NAV1: variants seen among roughly 807,000 people sequenced by gnomAD.
NAV1 encodes neuron navigator 1.
In NAV1, 18 loss-of-function variants were observed where a neutral mutation model predicts 175.2. That is an observed-to-expected ratio of 0.10 (90% CI 0.07 to 0.15). NAV1 has a LOEUF of 0.15. Ranked by LOEUF, NAV1 falls within the 10% of genes least tolerant of loss-of-function variation. The pLI, the probability that NAV1 is intolerant of heterozygous loss-of-function variation, is 1.00. For synonymous variants in NAV1, 897 were observed against 978.7 expected (o/e 0.92, Z 1.56); for missense variants, 1,731 against 2,436.6 (o/e 0.71, Z 6.10).
chr1:201,599,510 C>A (rs72739959), intron 2 of NAV1, among the ~76,000 whole-genome samples: 1 of 152,168 alleles, frequency 6.6e-6, no homozygotes, highest in Non-Finnish European at 1.5e-5. Context: ...TTCATGAGGT[C>A]CTGACCCACA....
intron 3 of NAV1, among the ~76,000 whole-genome samples, chr1:201,736,385 A>G (rs1171521551): frequency 1.3e-5 from 2 of 152,192 alleles, no homozygotes; most frequent in African/African-American, 4.8e-5. Context: ...CTGCTTCTCA[A>G]GTCTTTCCCT....
At chr1:201,584,612 T>C (rs760735449) in intron 1 of NAV1, among the ~76,000 whole-genome samples, 2 of 152,218 alleles carry the variant, frequency 1.3e-5, no homozygotes, top group Admixed American at 6.5e-5. Flanking sequence ...GCTTGTGATG[T>C]GCCTGTGTCC....
At chr1:201,789,913 TACCC>T in intron 11 of NAV1, 121 bp downstream of exon 15, 1 of 940,072 alleles carries the variant, frequency 1.1e-6, no homozygotes, top group African/African-American at 1.6e-5. Flanking sequence ...CTCTTCACTG[TACCC>T]ATTGGGGTGG....
chr1:201,754,633 C>T (rs1240048795), intron 3 of NAV1, among the ~76,000 whole-genome samples: 1 of 152,164 alleles, frequency 6.6e-6, no homozygotes, highest in South Asian at 2.1e-4. Context: ...CCTACAAATG[C>T]AGGCGAAAAG....
At chr1:201,820,978 A>C (rs1027296658) in exon 30 of NAV1, 21 of 152,090 alleles carry the variant, frequency 1.4e-4, no homozygotes, top group African/African-American at 4.6e-4. Context: ...TTTGGCATCC[A>C]TGGGGCTTAT....
chr1:201,771,536 C>G (rs1215251928), intron 3 of NAV1, among the ~76,000 whole-genome samples: 1 of 150,914 alleles, frequency 6.6e-6, no homozygotes, highest in Admixed American at 6.6e-5. Flanking sequence ...GTGAACTGAC[C>G]TATAACAGAG....
At chr1:201,707,773 C>G (rs977433911) in intron 1 of NAV1, among the ~76,000 whole-genome samples, 1 of 152,228 alleles carries the variant, frequency 6.6e-6, no homozygotes, top group Non-Finnish European at 1.5e-5. Flanking sequence ...CCTCCCCATA[C>G]AATGGGAGAT....
At chr1:201,620,160 G>A (rs943631474), upstream of NAV1, among the ~76,000 whole-genome samples, 10 of 152,178 alleles carry the variant, frequency 6.6e-5, no homozygotes, top group Non-Finnish European at 1.3e-4. Flanking sequence ...AGAGTCAAAG[G>A]TCAGGGAAAG....
intron 1 of NAV1, among the ~76,000 whole-genome samples, chr1:201,701,639 T>C (rs1201226542): frequency 6.6e-6 from 1 of 152,186 alleles, no homozygotes; most frequent in Non-Finnish European, 1.5e-5. Flanking sequence ...TAAAAGATGC[T>C]CAATATCATT....
At position 201,780,992 on chromosome 1, in the gene NAV1, C is replaced by A; in HGVS notation, c.1366-20C>A. On this transcript the variant is annotated intron_variant, in intron 4 of 29. Transcript: ENST00000367296. The stretch of plus-strand genomic sequence containing the variant: ...ATCTGCATAGAAGTATCTCACTCTG[C>A]CTTTTTCTCTTTTCTTTAGCTACGC... 2 of 1,577,350 alleles carry A rather than the reference C, an allele frequency of 1.3e-6. No homozygotes were observed. Among genetic ancestry groups the A allele is most frequent in the Non-Finnish European group, 1.7e-6 (2 of 1,163,518 alleles).
intron 1 of NAV1, among the ~76,000 whole-genome samples, chr1:201,672,740 T>C (rs1670089817): frequency 6.6e-6 from 1 of 152,206 alleles, no homozygotes; most frequent in Admixed American, 6.5e-5. Context: ...TACATGATGC[T>C]CTAAGAAAGC....
At chr1:201,739,773 C>T in intron 3 of NAV1, 1 of 1,212,344 alleles carries the variant, frequency 8.2e-7, no homozygotes, top group East Asian at 3.3e-5. Flanking sequence ...TCGCAGCCTG[C>T]ATCGCCGGGG....
intron 1 of NAV1, among the ~76,000 whole-genome samples, chr1:201,548,667 G>A (rs544879953): frequency 6.6e-6 from 1 of 152,318 alleles, no homozygotes; most frequent in East Asian, 1.9e-4. Flanking sequence ...CTTCTACTGA[G>A]GGGATTCAAG....
At chr1:201,802,801 GA>G (rs1678021454) in intron 15 of NAV1, among the ~76,000 whole-genome samples, 1 of 151,618 alleles carries the variant, frequency 6.6e-6, no homozygotes, top group African/African-American at 2.4e-5. Flanking sequence ...AAAGAAAAAG[GA>G]AAAAAGACAT....
At position 201,782,238 on chromosome 1, in the gene NAV1, C is replaced by T. The variant is rs1355299313; in HGVS notation, c.1726C>T (p.Arg576Cys). The change falls in exon 6 of 30, where the codon CGC (arginine) becomes TGC (cysteine). Residue 576 changes from arginine (R) to cysteine (C), a missense_variant. By Grantham distance (180) the Arg-to-Cys change is radical. This residue lies in a region of NAV1 where 634 missense variants were observed against 766.8 expected (regional missense o/e 0.83). Transcript: ENST00000367296. This position sits in a 1 kb window ranked among gnomAD's most constrained non-coding sequence, Gnocchi z 5.4. Reference sequence around the variant, plus strand: ...TGCAGTGAAGAATACTGGGCTCCAACGCTCCTCCTCTGATGCTGGTCGGGA... The same window carrying T: ...TGCAGTGAAGAATACTGGGCTCCAATGCTCCTCCTCTGATGCTGGTCGGGA... The T allele has an allele frequency of 3.7e-6, 6 of 1,613,676 alleles. No individual in the cohort carries two copies. Among genetic ancestry groups the T allele is most frequent in the South Asian group, 2.2e-5 (2 of 91,040 alleles).
At chr1:201,767,411 A>G (rs184383160) in intron 3 of NAV1, among the ~76,000 whole-genome samples, 155 of 152,078 alleles carry the variant, frequency 1.0e-3, no homozygotes, top group African/African-American at 3.7e-3. Context: ...AGATTGCGCC[A>G]TTGCACTCCA....
At chr1:201,648,896 C>A in exon 1 of NAV1, 3 of 1,612,696 alleles carry the variant, frequency 1.9e-6, no homozygotes, top group Non-Finnish European at 2.5e-6. Context: ...ACAGCCGTGT[C>A]CCCGGCGGGC....
At chr1:201,660,427 C>T (rs890390438) in intron 1 of NAV1, among the ~76,000 whole-genome samples, 3 of 152,176 alleles carry the variant, frequency 2.0e-5, no homozygotes, top group Non-Finnish European at 2.9e-5. Context: ...GGAGCACCAG[C>T]GTCAGGCCTC....
chr1:201,696,072 C>G (rs1671176780), intron 1 of NAV1, among the ~76,000 whole-genome samples: 3 of 152,214 alleles, frequency 2.0e-5, no homozygotes. Context: ...TGCATCCAGC[C>G]TTGCACTTCC....
Sources: gnomAD v4.1 joint callset for allele counts (sites outside exome capture counted in the v4.1 genomes callset) on GRCh38, gnomAD v4.1.1 for gene constraint, gnomAD v4.1.1 regional missense constraint, Gnocchi (gnomAD v3.1) non-coding constraint, MANE v1.5 for transcripts, NCBI Gene and HGNC (gene_info 2026-07-23, HGNC 2026-07-21) for gene names.